PKIB: variants seen among roughly 807,000 people sequenced by gnomAD.
PKIB encodes the protein cAMP-dependent protein kinase inhibitor beta, also known as PKI-beta.
PKIB carries 2 observed loss-of-function variants against 4.5 expected under a neutral mutation model. That is an observed-to-expected ratio of 0.44 (90% CI 0.18 to 1.39). The LOEUF (loss-of-function observed/expected upper bound fraction) is 1.39, where lower values mean the gene tolerates loss of function less well. Ranked by LOEUF, PKIB falls within the 40% of genes most tolerant of loss-of-function variation. The pLI is 0.27. For missense variants in PKIB, 94 were observed against 92.6 expected (o/e 1.02, Z -0.06); for synonymous variants, 38 against 36.0 (o/e 1.06, Z -0.20).
At chr6:122,529,306 G>A (rs1048803161) in intron 2 of PKIB, among the ~76,000 whole-genome samples, 5 of 152,020 alleles carry the variant, frequency 3.3e-5, no homozygotes, top group African/African-American at 1.2e-4. Flanking sequence ...TAACAAGTAC[G>A]TTTAACACAC....
intron 1 of PKIB, among the ~76,000 whole-genome samples, chr6:122,629,378 T>C (rs1775595436): frequency 6.6e-6 from 1 of 152,184 alleles, no homozygotes; most frequent in South Asian, 2.1e-4. Flanking sequence ...TAATCCAAAG[T>C]ATAAAATATA....
rs185517343 is a variant in PKIB, at chr6:122,476,622, A to T, written c.-336-1229A>T. Among the ~76,000 whole-genome samples the T allele has an allele frequency of 8.2e-3, 1,255 of 152,330 alleles. 10 individuals are homozygous for T. The highest frequency in any genetic ancestry group is 0.013 in the Non-Finnish European group (852 of 67,988). On this transcript the variant is annotated intron_variant, in intron 1 of 6. Transcript: ENST00000392491. ...ACAAAAATAAGTTTATTTCAGGCAG[A>T]ACATACATAAATTCAGGAAAAAAGG...
intron 4 of PKIB, among the ~76,000 whole-genome samples, chr6:122,724,425 G>A (rs1362335079): frequency 6.6e-6 from 1 of 152,110 alleles, no homozygotes; most frequent in Non-Finnish European, 1.5e-5. Context: ...GAAGAGACTT[G>A]CATTTGGTTT....
At chr6:122,649,912 C>T (rs1298264808) in intron 2 of PKIB, among the ~76,000 whole-genome samples, 2 of 152,166 alleles carry the variant, frequency 1.3e-5, no homozygotes, top group Admixed American at 6.5e-5. Flanking sequence ...ACTTCAAGCA[C>T]CATCACCGGA....
At chr6:122,605,830 A>G (rs1400510555), upstream of PKIB, among the ~76,000 whole-genome samples, 4 of 152,170 alleles carry the variant, frequency 2.6e-5, no homozygotes, top group Non-Finnish European at 4.4e-5. Flanking sequence ...TCTGATTTTC[A>G]TATGTATTAA....
chr6:122,488,071 A>C (rs1046320613), intron 2 of PKIB, among the ~76,000 whole-genome samples: 17 of 152,134 alleles, frequency 1.1e-4, no homozygotes, highest in African/African-American at 3.9e-4. Flanking sequence ...TTATTTACCC[A>C]TTCATTTCAG....
intron 2 of PKIB, among the ~76,000 whole-genome samples, chr6:122,562,474 T>C (rs1773064695): frequency 6.6e-6 from 1 of 152,198 alleles, no homozygotes; most frequent in Non-Finnish European, 1.5e-5. Context: ...AGGTGTTCCT[T>C]GTGCTTTTCG....
intron 2 of PKIB, among the ~76,000 whole-genome samples, chr6:122,529,899 T>G (rs1264302463): frequency 6.6e-6 from 1 of 152,164 alleles, no homozygotes; most frequent in East Asian, 1.9e-4. Context: ...GATTATAAGA[T>G]ACATCTGTGT....
At chr6:122,674,822 T>C (rs1308394606) in intron 2 of PKIB, among the ~76,000 whole-genome samples, 1 of 152,208 alleles carries the variant, frequency 6.6e-6, no homozygotes, top group Non-Finnish European at 1.5e-5. Flanking sequence ...ACAGCATCAA[T>C]GCAGCAATCA....
intron 2 of PKIB, among the ~76,000 whole-genome samples, chr6:122,651,110 G>C (rs1436104053): frequency 6.6e-6 from 1 of 152,118 alleles, no homozygotes; most frequent in Non-Finnish European, 1.5e-5. Flanking sequence ...ACAAGATGTG[G>C]TGGGAATCAT....
chr6:122,560,329 T>A (rs1772976981), intron 2 of PKIB, among the ~76,000 whole-genome samples: 1 of 152,206 alleles, frequency 6.6e-6, no homozygotes, highest in Admixed American at 6.5e-5. Context: ...TAATTCTGTT[T>A]ATGTGGTATA....
At chr6:122,509,062 T>A (rs1776508872) in intron 2 of PKIB, among the ~76,000 whole-genome samples, 1 of 152,170 alleles carries the variant, frequency 6.6e-6, no homozygotes, top group Non-Finnish European at 1.5e-5. Context: ...AATTTTTTAA[T>A]ACTGTAATTA....
At chr6:122,554,491 T>C (rs1772780232) in intron 2 of PKIB, among the ~76,000 whole-genome samples, 1 of 152,232 alleles carries the variant, frequency 6.6e-6, no homozygotes, top group Non-Finnish European at 1.5e-5. Flanking sequence ...TCATAATGCT[T>C]GCATTTGAAT....
chr6:122,633,569 T>C (rs898436261), intron 2 of PKIB, among the ~76,000 whole-genome samples: 4 of 152,192 alleles, frequency 2.6e-5, no homozygotes, highest in Non-Finnish European at 4.4e-5. Context: ...AAACGATACA[T>C]ACTGGGACCT....
chr6:122,675,780 G>A (rs890927535), intron 3 of PKIB, among the ~76,000 whole-genome samples: 5 of 151,796 alleles, frequency 3.3e-5, no homozygotes, highest in Non-Finnish European at 7.4e-5. Context: ...GATAAATTTA[G>A]AAGAAACTGT....
intron 3 of PKIB, among the ~76,000 whole-genome samples, chr6:122,594,427 G>A (rs943108841): frequency 6.6e-6 from 1 of 151,990 alleles, no homozygotes. Context: ...GGATTGTCTC[G>A]ATCTCCTGAC....
intron 2 of PKIB, among the ~76,000 whole-genome samples, chr6:122,638,182 A>T (rs1775997222): frequency 6.6e-6 from 1 of 152,202 alleles, no homozygotes; most frequent in African/African-American, 2.4e-5. Flanking sequence ...TGCTCCTTCA[A>T]TGCTGGGGAC....
chr6:122,725,871 T>C lies in PKIB; in HGVS notation c.*676T>C, dbSNP rs1132643. On this transcript the variant is annotated 3_prime_UTR_variant, in exon 5 of 5. Coordinates refer to ENST00000368452, the MANE Select transcript of PKIB (RefSeq NM_181795.3). ...GGTTATATGGAACATGCCTATTAAA[T>C]GAATTTTACTATCTTCCCTAACTTT... 46,006 of 151,998 alleles carry C rather than the reference T, an allele frequency of 0.3. 8,182 individuals are homozygous for C. Among genetic ancestry groups the C allele is most frequent in the Non-Finnish European group, 0.41 (27,777 of 67,930 alleles). The allele number at this position is 151,998 out of a possible 1,614,324, so 9.4% of individuals were successfully genotyped here. A position where few individuals can be genotyped will look rare whatever the true frequency, so the allele number is the denominator to read the frequency against.
intron 2 of PKIB, among the ~76,000 whole-genome samples, chr6:122,557,273 G>T (rs1772873321): frequency 6.6e-6 from 1 of 152,164 alleles, no homozygotes. Context: ...ATGAGCAAAT[G>T]TCACAGATGT....
Sources: allele counts gnomAD v4.1 joint callset (sites outside exome capture counted in the v4.1 genomes callset), GRCh38; gene constraint gnomAD v4.1.1; transcripts MANE v1.5; gene names NCBI Gene and HGNC (gene_info 2026-07-23, HGNC 2026-07-21).